ZNF385D: variants seen among roughly 807,000 people sequenced by gnomAD.
The protein encoded by ZNF385D is zinc finger protein 659.
In ZNF385D, 15 loss-of-function variants were observed where a neutral mutation model predicts 35.8. The ratio of observed to expected loss-of-function variants is 0.42; its 90% CI spans 0.28 to 0.64. The LOEUF (loss-of-function observed/expected upper bound fraction) is 0.64. ZNF385D is among the 30% of genes least tolerant of loss of function. The pLI is 0.23. For missense variants in ZNF385D, 474 were observed against 494.6 expected (o/e 0.96, Z 0.39); for synonymous variants, 212 against 186.8 (o/e 1.13, Z -1.10).
At chr3:22,125,871 T>C (rs1194567966) in intron 3 of ZNF385D, among the ~76,000 whole-genome samples, 1 of 152,126 alleles carries the variant, frequency 6.6e-6, no homozygotes, top group Non-Finnish European at 1.5e-5. Flanking sequence ...GAAGGATAAT[T>C]TGACTTCTTC....
chr3:21,528,537 T>A (rs1186391960), intron 3 of ZNF385D, among the ~76,000 whole-genome samples: 2 of 152,158 alleles, frequency 1.3e-5, no homozygotes, highest in African/African-American at 4.8e-5. Flanking sequence ...AAGCTACCCA[T>A]TAAATATATT....
intron 3 of ZNF385D, among the ~76,000 whole-genome samples, chr3:22,001,459 T>C (rs2088463): frequency 0.65 from 99,248 of 151,932 alleles, 33,633 homozygotes; most frequent in African/African-American, 0.81. Context: ...ATGTGTGTAC[T>C]CAATACCAAA....
intron 3 of ZNF385D, among the ~76,000 whole-genome samples, chr3:21,901,768 C>G (rs535336193): frequency 2.8e-4 from 43 of 152,202 alleles, no homozygotes; most frequent in African/African-American, 1.0e-3. Flanking sequence ...ATAAATGTGA[C>G]AAGTATTAGG....
At chr3:22,108,543 G>A (rs1469192568) in intron 3 of ZNF385D, among the ~76,000 whole-genome samples, 1 of 152,052 alleles carries the variant, frequency 6.6e-6, no homozygotes, top group African/African-American at 2.4e-5. Flanking sequence ...AATGCATGTG[G>A]AACTAAGGAT....
chr3:21,426,252 C>A (rs1701020443), intron 5 of ZNF385D, among the ~76,000 whole-genome samples: 1 of 152,088 alleles, frequency 6.6e-6, no homozygotes. Flanking sequence ...CTCTGAAAAA[C>A]AAATCCATAT....
At chr3:22,175,598 C>G (rs1046903302) in intron 2 of ZNF385D, among the ~76,000 whole-genome samples, 3 of 151,780 alleles carry the variant, frequency 2.0e-5, no homozygotes, top group Non-Finnish European at 2.9e-5. Flanking sequence ...ATTTTTAAAT[C>G]TCATTTTTAT....
chr3:21,470,079 C>A (rs1382627165), intron 4 of ZNF385D, among the ~76,000 whole-genome samples: 1 of 152,210 alleles, frequency 6.6e-6, no homozygotes, highest in Admixed American at 6.5e-5. Flanking sequence ...ATATTAGGCA[C>A]TTACAGTACT....
chr3:21,674,939 G>T lies in ZNF385D; in HGVS notation c.23-9911C>A, dbSNP rs530199856. Reference sequence around the variant, plus strand: ...GGATGGATGGATGGATGGATGCATGGATGGATGGATGGAAAAATGAGTGAG... The same window carrying T: ...GGATGGATGGATGGATGGATGCATGTATGGATGGATGGAAAAATGAGTGAG... On this transcript the variant is annotated intron_variant, in intron 1 of 7. Transcript: ENST00000281523. Among the ~76,000 whole-genome samples, 6 of 147,386 alleles carry T rather than the reference G, an allele frequency of 4.1e-5. No homozygotes were observed. The East Asian group carries it at 1.0e-3, about 25-fold the overall frequency.
intron 3 of ZNF385D, among the ~76,000 whole-genome samples, chr3:21,803,129 A>G (rs2072484523): frequency 6.6e-6 from 1 of 152,174 alleles, no homozygotes; most frequent in South Asian, 2.1e-4. Flanking sequence ...AGGGAGTTAT[A>G]TAAGCCTCCC....
At chr3:21,719,620 C>G (rs1217332844) in intron 1 of ZNF385D, among the ~76,000 whole-genome samples, 3 of 152,182 alleles carry the variant, frequency 2.0e-5, no homozygotes, top group Admixed American at 1.3e-4. Context: ...ATAGCTACTG[C>G]ACTTGTGCAC....
intron 3 of ZNF385D, among the ~76,000 whole-genome samples, chr3:21,953,138 C>G (rs796675239): frequency 1.3e-5 from 2 of 151,928 alleles, no homozygotes; most frequent in South Asian, 2.1e-4. Context: ...AGATTTTCCT[C>G]AAGTGTTTCT....
At chr3:21,806,557 C>A (rs2072659276) in intron 3 of ZNF385D, among the ~76,000 whole-genome samples, 1 of 152,006 alleles carries the variant, frequency 6.6e-6, no homozygotes, top group Non-Finnish European at 1.5e-5. Context: ...ATACGTGAAA[C>A]CAGTGCAATT....
chr3:21,604,447 A>T (rs2064415183), intron 2 of ZNF385D, among the ~76,000 whole-genome samples: 1 of 152,200 alleles, frequency 6.6e-6, no homozygotes, highest in Non-Finnish European at 1.5e-5. Flanking sequence ...ATTATGTAGG[A>T]AGATTAGTTT....
At chr3:22,251,726 G>A (rs979321825) in intron 2 of ZNF385D, among the ~76,000 whole-genome samples, 7 of 151,954 alleles carry the variant, frequency 4.6e-5, no homozygotes, top group African/African-American at 1.2e-4. Flanking sequence ...TCTTTGTGGA[G>A]TACCATTGCC....
At chr3:21,895,318 GC>G (rs1344220628) in intron 3 of ZNF385D, among the ~76,000 whole-genome samples, 5 of 89,904 alleles carry the variant, frequency 5.6e-5, no homozygotes, top group Admixed American at 4.0e-4. Context: ...GAAATGTGTG[GC>G]TTTTTTTTTT....
intron 2 of ZNF385D, among the ~76,000 whole-genome samples, chr3:21,644,805 T>A (rs567582992): frequency 6.6e-6 from 1 of 152,292 alleles, no homozygotes; most frequent in African/African-American, 2.4e-5. Context: ...GGAATCACAC[T>A]TGTCTGAGAT....
At chr3:21,609,297 C>T (rs2064596149) in intron 2 of ZNF385D, among the ~76,000 whole-genome samples, 1 of 152,108 alleles carries the variant, frequency 6.6e-6, no homozygotes, top group Non-Finnish European at 1.5e-5. Flanking sequence ...GATAGAATTG[C>T]CATTAATTGT....
chr3:22,091,552 A>G (rs547128746), intron 3 of ZNF385D, among the ~76,000 whole-genome samples: 2 of 152,004 alleles, frequency 1.3e-5, no homozygotes, highest in African/African-American at 4.8e-5. Context: ...GAAATACATG[A>G]GTAGCCTGCC....
chr3:21,972,708 G>T (rs1417969559), intron 3 of ZNF385D, among the ~76,000 whole-genome samples: 1 of 150,090 alleles, frequency 6.7e-6, no homozygotes, highest in Non-Finnish European at 1.5e-5. Flanking sequence ...AAACAAAAAA[G>T]ACCTAAATAA....
Sources: gnomAD v4.1 joint callset for allele counts (sites outside exome capture counted in the v4.1 genomes callset) on GRCh38, gnomAD v4.1.1 for gene constraint, MANE v1.5 for transcripts, NCBI Gene and HGNC (gene_info 2026-07-23, HGNC 2026-07-21) for gene names.